The following EXOC6B variants were observed in gnomAD, a reference collection of about 807,000 sequenced individuals.
EXOC6B encodes exocyst complex component 6B.
A neutral mutation model predicts 113.5 loss-of-function variants in EXOC6B; 54 were observed. The observed-to-expected ratio is 0.48, with a 90% confidence interval of 0.38 to 0.60. The LOEUF is 0.60. EXOC6B is among the 20% of genes least tolerant of loss of function. The pLI is 0.00. For synonymous variants in EXOC6B, 357 were observed against 339.0 expected (o/e 1.05, Z -0.58); for missense variants, 797 against 977.5 (o/e 0.82, Z 2.46).
chr2:72,599,338 A>G (rs1670263704), intron 6 of EXOC6B, among the ~76,000 whole-genome samples: 1 of 152,142 alleles, frequency 6.6e-6, no homozygotes, highest in South Asian at 2.1e-4. Flanking sequence ...TAAGCATTTG[A>G]CAAAAACCAA....
intron 6 of EXOC6B, among the ~76,000 whole-genome samples, chr2:72,655,070 C>T (rs1674484057): frequency 6.6e-6 from 1 of 152,148 alleles, no homozygotes; most frequent in Non-Finnish European, 1.5e-5. Context: ...TAATACCCTT[C>T]CTTAGGAGAA....
intron 7 of EXOC6B, among the ~76,000 whole-genome samples, chr2:72,571,887 C>T (rs2103795947): frequency 6.6e-6 from 1 of 152,008 alleles, no homozygotes; most frequent in African/African-American, 2.4e-5. Flanking sequence ...TCTTATGCAT[C>T]ATTAAGCTAA....
intron 20 of EXOC6B, among the ~76,000 whole-genome samples, chr2:72,322,449 C>A (rs1324063513): frequency 6.6e-6 from 1 of 152,114 alleles, no homozygotes. Flanking sequence ...TACAAAGACA[C>A]ACAAGAAGCC....
Position 72,450,193 on chromosome 2 carries a change from T to C in EXOC6B, c.1980+14967A>G, listed in dbSNP as rs114945775. Among the ~76,000 whole-genome samples the C allele has an allele frequency of 5.7e-3, 863 of 152,210 alleles. 8 individuals carry two copies. Among genetic ancestry groups the C allele is most frequent in the African/African-American group, 0.019 (798 of 41,524 alleles). On this transcript the variant is annotated intron_variant, in intron 18 of 21. Transcript: ENST00000272427. ...CCCCAGAATTCCCATACCCTATTTA[T>C]GTAGAGAGGTTAAAATGGCCTGCAA... is the stretch of plus-strand genomic sequence containing the variant.
At chr2:72,355,239 C>T (rs1426646900) in intron 19 of EXOC6B, among the ~76,000 whole-genome samples, 1 of 151,986 alleles carries the variant, frequency 6.6e-6, no homozygotes, top group Non-Finnish European at 1.5e-5. Context: ...TATATAATTG[C>T]CAACTTATTG....
At chr2:72,727,638 C>A (rs2104760312) in intron 5 of EXOC6B, among the ~76,000 whole-genome samples, 1 of 152,276 alleles carries the variant, frequency 6.6e-6, no homozygotes, top group Admixed American at 6.5e-5. Flanking sequence ...TCTGTAGGAA[C>A]CACATTAAAG....
rs535321608 is a variant in EXOC6B at position 72,184,708 on chromosome 2, A to T, written c.2197-521T>A. Among the ~76,000 whole-genome samples, 397 of 152,356 alleles carry T rather than the reference A, an allele frequency of 2.6e-3. 1 individual carries two copies. Among genetic ancestry groups the T allele is most frequent in the African/African-American group, 9.0e-3 (373 of 41,584 alleles). On this transcript the variant is annotated intron_variant, in intron 20 of 21. Transcript: ENST00000272427. ...CTGACTTAGCCCAAGTGACTTAGGT[A>T]ATACAGACATATACACATGCCTATA...
chr2:72,278,922 G>T (rs901935560), intron 20 of EXOC6B, among the ~76,000 whole-genome samples: 6 of 152,126 alleles, frequency 3.9e-5, no homozygotes, highest in Admixed American at 3.3e-4. Flanking sequence ...AAGGATACAA[G>T]CTCACCTCTA....
intron 18 of EXOC6B, among the ~76,000 whole-genome samples, chr2:72,388,845 T>C (rs1692209242): frequency 6.6e-6 from 1 of 152,140 alleles, no homozygotes; most frequent in South Asian, 2.1e-4. Flanking sequence ...TTAGGTCTAC[T>C]TTACCAGACA....
intron 6 of EXOC6B, among the ~76,000 whole-genome samples, chr2:72,602,232 C>T (rs1670477162): frequency 6.6e-6 from 1 of 152,032 alleles, no homozygotes; most frequent in Admixed American, 6.6e-5. Flanking sequence ...TTATAAGTAG[C>T]CATGAATGTC....
intron 1 of EXOC6B, among the ~76,000 whole-genome samples, chr2:72,767,730 C>T (rs1173862093): frequency 7.1e-6 from 1 of 140,886 alleles, no homozygotes; most frequent in African/African-American, 2.7e-5. Context: ...GGAGTATCAC[C>T]TAAGCCTGGG....
intron 20 of EXOC6B, among the ~76,000 whole-genome samples, chr2:72,239,185 G>A (rs1039341034): frequency 8.5e-5 from 13 of 152,286 alleles, no homozygotes; most frequent in East Asian, 1.9e-4. Flanking sequence ...GCCACTGTGC[G>A]TGGCGTGTTT....
intron 20 of EXOC6B, among the ~76,000 whole-genome samples, chr2:72,237,639 C>G (rs990073994): frequency 6.6e-6 from 1 of 152,178 alleles, no homozygotes; most frequent in Non-Finnish European, 1.5e-5. Context: ...ACCCTCACCC[C>G]CTGCCTGACC....
chr2:72,417,714 A>G (rs1325414458), intron 18 of EXOC6B, among the ~76,000 whole-genome samples: 2 of 152,150 alleles, frequency 1.3e-5, no homozygotes, highest in Non-Finnish European at 2.9e-5. Flanking sequence ...TAGTCTTTTA[A>G]TCCTCCTGGT....
chr2:72,282,809 T>C lies in EXOC6B; in HGVS notation c.2196+52138A>G, dbSNP rs1573170754. On this transcript the variant is annotated intron_variant, in intron 20 of 21. Transcript: ENST00000272427. The stretch of plus-strand genomic sequence containing the variant: ...AAAGTAGACCCTTGGGCAAGAAGCA[T>C]TAAAAAAGGAATATCACAATGTTAA... Among the ~76,000 whole-genome samples the C allele has an allele frequency of 5.9e-5, 9 of 152,078 alleles. No individual in the cohort carries two copies. The South Asian group carries it at 1.9e-3, about 32-fold the overall frequency.
At chr2:72,601,124 ATGTGTGTG>A (rs61668760) in intron 6 of EXOC6B, among the ~76,000 whole-genome samples, 7,881 of 138,226 alleles carry the variant, frequency 0.057, 261 homozygotes, top group African/African-American at 0.061. Context: ...GTGTGTGTGT[ATGTGTGTG>A]TGTGTGTGTG....
At chr2:72,787,132 C>T (rs1684418121) in intron 1 of EXOC6B, among the ~76,000 whole-genome samples, 1 of 152,100 alleles carries the variant, frequency 6.6e-6, no homozygotes, top group Non-Finnish European at 1.5e-5. Context: ...TCAACTGGTA[C>T]CAAGTATGAA....
intron 20 of EXOC6B, among the ~76,000 whole-genome samples, chr2:72,219,779 T>C (rs1371807705): frequency 6.6e-6 from 1 of 152,182 alleles, no homozygotes; most frequent in Non-Finnish European, 1.5e-5. Flanking sequence ...TAACTATCAT[T>C]ATAGCACTTT....
intron 6 of EXOC6B, among the ~76,000 whole-genome samples, chr2:72,636,361 GAAGGAAGGAAGCAAGGAAGC>G (rs1672826736): frequency 7.8e-6 from 1 of 128,534 alleles, no homozygotes; most frequent in Non-Finnish European, 1.6e-5. Flanking sequence ...AGGAAGGAAG[GAAGGAAGGAAGCAAGGAAGC>G]AAGGAAGGGA....
Sources: allele counts gnomAD v4.1 joint callset (sites outside exome capture counted in the v4.1 genomes callset), GRCh38; gene constraint gnomAD v4.1.1; transcripts MANE v1.5; gene names NCBI Gene and HGNC (gene_info 2026-07-23, HGNC 2026-07-21).